DRC7: variants seen among roughly 807,000 people sequenced by gnomAD.
DRC7 encodes the protein dynein regulatory complex subunit 7.
Under a neutral mutation model 104.4 loss-of-function variants are expected in DRC7, and 80 were observed. The observed-to-expected ratio is 0.77, with a 90% CI of 0.64 to 0.92. The LOEUF (loss-of-function observed/expected upper bound fraction) is 0.92. Among genes scored for constraint, DRC7 ranks in the 40% least tolerant of loss-of-function variants. The pLI is 0.00. For synonymous variants in DRC7, 405 were observed against 447.3 expected, an observed-to-expected ratio of 0.91 and a Z score of 1.19; for missense variants, 1,034 against 1,141.1, an observed-to-expected ratio of 0.91 and a Z score of 1.35.
At chr16:57,704,409 T>G (rs2048691175) in intron 6 of DRC7, among the ~76,000 whole-genome samples, 1 of 136,812 alleles carries the variant, frequency 7.3e-6, no homozygotes, top group Non-Finnish European at 1.5e-5. Flanking sequence ...ACACACACGG[T>G]TTCTTCTCCT....
chr16:57,696,705 G>C (rs1402867999), intron 2 of DRC7, 111 bp downstream of exon 2: 2 of 152,088 alleles, frequency 1.3e-5, no homozygotes, highest in African/African-American at 4.8e-5. Flanking sequence ...CTGTTCTCTG[G>C]GCCAACACAG....
chr16:57,700,369 C>A (rs1484089970), intron 5 of DRC7, 99 bp downstream of exon 5: 20 of 1,453,508 alleles, frequency 1.4e-5, no homozygotes, highest in Non-Finnish European at 8.4e-6. Flanking sequence ...GACTTAGAGG[C>A]CGGGCGTGGT....
intron 8 of DRC7, among the ~76,000 whole-genome samples, chr16:57,717,334 A>C (rs2048854217): frequency 6.9e-6 from 1 of 145,832 alleles, no homozygotes; most frequent in African/African-American, 2.6e-5. Context: ...TCCTGGAATC[A>C]AGTGATCCTC....
chr16:57,725,211 G>C (rs1317801491), intron 13 of DRC7, among the ~76,000 whole-genome samples: 1 of 152,066 alleles, frequency 6.6e-6, no homozygotes, highest in Admixed American at 6.6e-5. Context: ...GCAGGAGAGA[G>C]AATAAGTGCT....
At chr16:57,702,718 T>C (rs2048673121) in intron 6 of DRC7, among the ~76,000 whole-genome samples, 1 of 152,020 alleles carries the variant, frequency 6.6e-6, no homozygotes, top group Non-Finnish European at 1.5e-5. Context: ...GGAGAATCAC[T>C]TGAAACCCGG....
intron 5 of DRC7, 114 bp downstream of exon 5, chr16:57,700,384 C>A: frequency 7.3e-7 from 1 of 1,363,292 alleles, no homozygotes; most frequent in South Asian, 1.4e-5. Context: ...CGTGGTAGCT[C>A]ATGCCTGTAA....
Position 57,705,003 on chromosome 16 carries a change from A to G in DRC7, c.827A>G (p.Lys276Arg). The change falls in exon 7 of 19, where the codon AAG becomes AGG. Residue 276 changes from lysine to arginine, a missense_variant. Lys to Arg is a conservative substitution (Grantham distance 26). Coordinates refer to ENST00000360716, the MANE Select transcript of DRC7 (RefSeq NM_001289162.2). ...CAGGAGATCAGAGCCCAGGAGAAGA[A>G]GCGGCTGAGGGAGGAGGAGGAGCGC... ...KQQEIRAQEK[K>R]RLREEEERLM... 6.2e-7 allele frequency: 1 copy of G among 1,613,072 alleles called. No homozygotes were observed. Among genetic ancestry groups the G allele is most frequent in the Non-Finnish European group, 8.5e-7 (1 of 1,179,880 alleles).
Position 57,698,104 on chromosome 16 carries a change from T to C in DRC7, c.155T>C (p.Leu52Pro). Reference protein sequence around the residue: ...ITLKQETLRDLEKKLSEIQIT... With the variant: ...ITLKQETLRDPEKKLSEIQIT... ...TTAAAGCAGGAGACGCTCAGAGACC[T>C]GGAGAAGAAGCTGTCAGAGATCCAG... is the stretch of plus-strand genomic sequence containing the variant. Residue 52 changes from leucine (L) to proline (P), a missense_variant, in exon 3 of 19, where the codon CTG becomes CCG. Transcript: ENST00000360716. The C allele has an allele frequency of 6.2e-7, 1 of 1,614,098 alleles. No homozygotes were observed. The highest frequency in any genetic ancestry group is 8.5e-7 in the Non-Finnish European group (1 of 1,180,016).
At chr16:57,724,251 G>A (rs2923143) in intron 12 of DRC7, among the ~76,000 whole-genome samples, 49,023 of 148,358 alleles carry the variant, frequency 0.33, 9,057 homozygotes, top group African/African-American at 0.5. Context: ...CGGAGACTGC[G>A]GTGAGCTGAG....
chr16:57,726,967 A>C, intron 15 of DRC7, 25 bp downstream of exon 15: 2 of 1,424,730 alleles, frequency 1.4e-6, no homozygotes, highest in Non-Finnish European at 2.0e-6. Flanking sequence ...GAGAGTGAGC[A>C]GGTGGGCGGT....
chr16:57,731,181 C>G lies in DRC7; in HGVS notation c.2548C>G (p.Pro850Ala). ...TGACTTCAGACACAAGGAACTGGCC[C>G]CACTGAAGTACCTGGCTCTGGAGGA... is the stretch of plus-strand genomic sequence containing the variant. Reference protein sequence around the residue: ...QRLNRHKELAPLKYLALEEKL... With the variant: ...QRLNRHKELAALKYLALEEKL... Residue 850 changes from proline (P) to alanine (A), a missense_variant, in exon 19 of 19, where the codon CCA (proline) becomes GCA (alanine). By Grantham distance (27) the Pro-to-Ala change is conservative. Coordinates refer to ENST00000360716, the MANE Select transcript of DRC7 (RefSeq NM_001289162.2). 1.2e-6 allele frequency: 2 copies of G among 1,613,908 alleles called. No homozygotes were observed. The highest frequency in any genetic ancestry group is 2.2e-5 in the South Asian group (2 of 91,086).
At chr16:57,703,304 C>T (rs1047963387) in intron 6 of DRC7, among the ~76,000 whole-genome samples, 2 of 151,096 alleles carry the variant, frequency 1.3e-5, no homozygotes, top group Non-Finnish European at 2.9e-5. Flanking sequence ...CAGGCTGCTA[C>T]AGACACAAGA....
At position 57,731,073 on chromosome 16, in the gene DRC7, G is replaced by A; in HGVS notation, c.2531+3G>A. ...ATCCTGGAGCAGCGCCTCAATCGGT[G>A]AGCAGGCAGGGCAGGTGGAGAGAAC... On this transcript the variant is annotated splice_donor_region_variant and intron_variant, in intron 18 of 18. Transcript: ENST00000360716. 6.2e-7 allele frequency: 1 copy of A among 1,613,760 alleles called. No individual in the cohort carries two copies. The highest frequency in any genetic ancestry group is 8.5e-7 in the Non-Finnish European group (1 of 1,179,956).
intron 7 of DRC7, among the ~76,000 whole-genome samples, chr16:57,705,981 CCAT>C (rs2148740905): frequency 4.6e-5 from 6 of 130,832 alleles, no homozygotes; most frequent in South Asian, 2.7e-4. Flanking sequence ...CATCCTCCCA[CCAT>C]CCTCCCATCC....
rs115126345 is a variant in DRC7 at position 57,728,654 on chromosome 16, G to A, written c.2391+70G>A. 3,150 of 1,308,574 alleles carry A rather than the reference G, an allele frequency of 2.4e-3. 56 individuals carry two copies. The African/African-American group carries it at 0.041, about 17-fold the overall frequency. The allele number at this position is 1,308,574 out of a possible 1,614,324, so 81.1% of individuals were successfully genotyped here. On this transcript the variant is annotated intron_variant, in intron 17 of 18. Coordinates refer to ENST00000360716, the MANE Select transcript of DRC7 (RefSeq NM_001289162.2). ...GCATCCAGGAAATGGGCCCACGGCTGTCCGCCCACTACCTCACAGGCTTGT... is the reference window on the plus strand; with the variant it reads ...GCATCCAGGAAATGGGCCCACGGCTATCCGCCCACTACCTCACAGGCTTGT...
Position 57,718,352 on chromosome 16 carries a change from G to A in DRC7, c.1083G>A (p.Leu361=). 6.2e-7 allele frequency: 1 copy of A among 1,614,000 alleles called. No individual in the cohort carries two copies. Among genetic ancestry groups the A allele is most frequent in the Non-Finnish European group, 8.5e-7 (1 of 1,179,902 alleles). The change falls in exon 9 of 19, where the codon TTG becomes TTA. Residue 361 remains leucine, a synonymous_variant. Transcript: ENST00000360716. ...ACTGCCCTCATCCCCAACAGGACTT[G>A]ATCTTTGACCTGGGTGACCCTGTGA... ...MQDCWNCCKD[L]IFDLGDPVRW...
At chr16:57,695,310 C>T (rs1238992680) in intron 1 of DRC7, among the ~76,000 whole-genome samples, 1 of 146,676 alleles carries the variant, frequency 6.8e-6, no homozygotes, top group Non-Finnish European at 1.5e-5. Flanking sequence ...GGTTTCACAA[C>T]CAGAAATACA....
intron 8 of DRC7, among the ~76,000 whole-genome samples, chr16:57,708,349 A>G (rs1325437665): frequency 6.6e-6 from 1 of 152,142 alleles, no homozygotes; most frequent in Non-Finnish European, 1.5e-5. Context: ...AGTTTACATC[A>G]GTTGAATCAC....
At chr16:57,728,756 T>TCCAA (rs2049004971) in intron 17 of DRC7, among the ~76,000 whole-genome samples, 172 bp downstream of exon 17, 1 of 146,494 alleles carries the variant, frequency 6.8e-6, no homozygotes, top group African/African-American at 2.5e-5. Context: ...CACACTTGTT[T>TCCAA]ATCGGATAGA....
Sources: allele counts gnomAD v4.1 joint callset (sites outside exome capture counted in the v4.1 genomes callset), GRCh38; gene constraint gnomAD v4.1.1; transcripts MANE v1.5; gene names NCBI Gene and HGNC (gene_info 2026-07-23, HGNC 2026-07-21).